Variants in HAUS6 observed in about 807,000 individuals in gnomAD.
The protein encoded by HAUS6 is HAUS augmin like complex subunit 6.
Under a neutral mutation model 106.8 loss-of-function variants are expected in HAUS6, and 80 were observed. The observed-to-expected ratio is 0.75, with a 90% confidence interval of 0.63 to 0.90. The LOEUF (loss-of-function observed/expected upper bound fraction) is 0.90, where lower values mean the gene tolerates loss of function less well. Among genes scored for constraint, HAUS6 ranks in the 40% least tolerant of loss-of-function variants. The pLI is 0.00. For missense variants in HAUS6, 1,155 were observed against 1,118.1 expected, an observed-to-expected ratio of 1.03 and a Z score of -0.47; for synonymous variants, 356 against 379.1, an observed-to-expected ratio of 0.94 and a Z score of 0.71.
chr9:19,066,446 T>G (rs1451631070), intron 12 of HAUS6, among the ~76,000 whole-genome samples: 1 of 152,100 alleles, frequency 6.6e-6, no homozygotes, highest in African/African-American at 2.4e-5. Flanking sequence ...CTAACACAAA[T>G]GACATTTAGC....
chr9:19,092,797 C>T (rs1163122700), intron 4 of HAUS6, among the ~76,000 whole-genome samples: 3 of 148,646 alleles, frequency 2.0e-5, no homozygotes, highest in African/African-American at 7.5e-5. Flanking sequence ...TGGTGGCAGA[C>T]ACCTGTAATC....
At chr9:19,082,669 C>T (rs1196959321) in intron 8 of HAUS6, among the ~76,000 whole-genome samples, 2 of 152,038 alleles carry the variant, frequency 1.3e-5, no homozygotes, top group South Asian at 4.1e-4. Context: ...TCTCTTGAAC[C>T]TGGGAGGCGG....
Position 19,082,983 on chromosome 9 carries a change from C to T in HAUS6, c.760G>A (p.Val254Ile), listed in dbSNP as rs763394214. 4.4e-6 allele frequency: 7 copies of T among 1,585,058 alleles called. No homozygotes were observed. Among genetic ancestry groups the T allele is most frequent in the South Asian group, 1.2e-5 (1 of 86,928 alleles). Residue 254 changes from valine (V) to isoleucine (I), a missense_variant, in exon 8 of 17, where the codon GTT (valine) becomes ATT (isoleucine). Physicochemically the swap from Val to Ile is conservative, Grantham distance 29. Around this residue, in one of 3 missense-constraint regions of HAUS6, gnomAD observed 761 missense variants for 690.0 expected, o/e 1.10. Coordinates refer to ENST00000380502, the MANE Select transcript of HAUS6 (RefSeq NM_017645.5). ...ACAAGACTAAGGACCGAACTAACAA[C>T]TTCTCTCTCTTTTTCCAAAAACATG... The part of the protein sequence containing the change: ...TLMFLEKERE[V>I]VSSVLSLVNQ...
rs137920285 is a variant in HAUS6, at chr9:19,075,840, C to A, written c.1294+762G>T. Among the ~76,000 whole-genome samples, 633 of 151,942 alleles carry A rather than the reference C, an allele frequency of 4.2e-3. 3 individuals carry two copies. The highest frequency in any genetic ancestry group is 0.015 in the African/African-American group (608 of 41,450). ...GGTGTGGTGGCGCATACCTGTGATCCCAGCTCCTCAGGAGGCTGAGGCAAG... is the reference window on the plus strand; with the variant it reads ...GGTGTGGTGGCGCATACCTGTGATCACAGCTCCTCAGGAGGCTGAGGCAAG... On this transcript the variant is annotated intron_variant, in intron 11 of 16. Transcript: ENST00000380502.
chr9:19,057,855 G>A (rs2131094276), intron 16 of HAUS6, 106 bp downstream of exon 16: 2 of 641,070 alleles, frequency 3.1e-6, no homozygotes, highest in Non-Finnish European at 2.7e-6. Context: ...GGAAGGGGGA[G>A]CACATTAACA....
intron 14 of HAUS6, among the ~76,000 whole-genome samples, chr9:19,062,649 G>C (rs1479110720): frequency 6.6e-6 from 1 of 152,038 alleles, no homozygotes; most frequent in African/African-American, 2.4e-5. Flanking sequence ...CAACACCATT[G>C]AGAAAATATT....
intron 1 of HAUS6, among the ~76,000 whole-genome samples, chr9:19,097,974 C>G (rs916746825): frequency 6.6e-6 from 1 of 152,166 alleles, no homozygotes; most frequent in African/African-American, 2.4e-5. Context: ...ACACTTTTGT[C>G]CTTAGAACAT....
At chr9:19,066,453 T>C (rs764417805) in intron 12 of HAUS6, among the ~76,000 whole-genome samples, 55 of 152,160 alleles carry the variant, frequency 3.6e-4, no homozygotes, top group Non-Finnish European at 4.0e-4. Flanking sequence ...AAATGACATT[T>C]AGCTGGCACG....
chr9:19,089,764 T>A (rs1383367666), intron 4 of HAUS6: 4 of 539,590 alleles, frequency 7.4e-6, no homozygotes, highest in Non-Finnish European at 9.8e-6. Context: ...TAAATTAACA[T>A]CACGTAACTA....
At chr9:19,069,192 C>G (rs1312120820) in intron 12 of HAUS6, among the ~76,000 whole-genome samples, 1 of 152,110 alleles carries the variant, frequency 6.6e-6, no homozygotes, top group East Asian at 1.9e-4. Flanking sequence ...CAAAGGCCCC[C>G]AAACACTTGA....
intron 4 of HAUS6, among the ~76,000 whole-genome samples, chr9:19,092,618 GA>G (rs754952207): frequency 6.6e-3 from 363 of 55,016 alleles, no homozygotes; most frequent in South Asian, 0.02. Flanking sequence ...CTCCGTCTCG[GA>G]AAAAAAAAAA....
chr9:19,073,943 T>C (rs560012827), intron 11 of HAUS6: 11 of 152,194 alleles, frequency 7.2e-5, no homozygotes, highest in Admixed American at 7.2e-4. Context: ...AAATAAAAGT[T>C]TAAGTTAAAA....
chr9:19,076,533 C>A, intron 11 of HAUS6, 69 bp downstream of exon 11: 2 of 758,106 alleles, frequency 2.6e-6, no homozygotes, highest in Non-Finnish European at 4.6e-6. Context: ...ATTTAAAGAA[C>A]TATTATTATA....
In HAUS6 at chr9:19,053,935, G is replaced by T. The variant is rs1836414193; in HGVS notation, c.*2408C>A. On this transcript the variant is annotated 3_prime_UTR_variant, in exon 17 of 17. Transcript: ENST00000380502. ...ATGTGTATATTGCTATAACTAGAAA[G>T]ACCACATGCAACCATAAAAAATATA... The T allele has an allele frequency of 6.6e-6, 1 of 152,002 alleles. No individual in the cohort carries two copies. 9.4% of individuals were successfully genotyped at this position (152,002 alleles called of 1,614,324 possible).
chr9:19,096,091 C>A (rs530305858), intron 2 of HAUS6, among the ~76,000 whole-genome samples: 57 of 151,612 alleles, frequency 3.8e-4, no homozygotes, highest in African/African-American at 1.3e-3. Flanking sequence ...TTATTAAGAC[C>A]GTAAATAAAA....
chr9:19,075,120 T>G (rs1315690980), intron 11 of HAUS6, among the ~76,000 whole-genome samples: 1 of 151,914 alleles, frequency 6.6e-6, no homozygotes, highest in African/African-American at 2.4e-5. Context: ...CTATGCTAAG[T>G]GAAAGAAGCC....
intron 4 of HAUS6, 53 bp from the exon 5 acceptor site, chr9:19,089,612 G>C: frequency 7.2e-7 from 1 of 1,385,134 alleles, no homozygotes; most frequent in Non-Finnish European, 1.0e-6. Flanking sequence ...GATAGTAGTG[G>C]GTTATCAGAA....
intron 1 of HAUS6, among the ~76,000 whole-genome samples, chr9:19,098,254 A>G (rs1369148107): frequency 6.6e-6 from 1 of 152,156 alleles, no homozygotes; most frequent in African/African-American, 2.4e-5. Context: ...CCTGGCCAAC[A>G]TGGCGAATCG....
chr9:19,069,506 T>C (rs1021774595), intron 12 of HAUS6, among the ~76,000 whole-genome samples: 2 of 151,858 alleles, frequency 1.3e-5, no homozygotes, highest in South Asian at 2.1e-4. Flanking sequence ...CTGGCCAACA[T>C]GGTGAAACCT....
Sources: gnomAD v4.1 joint callset for allele counts (sites outside exome capture counted in the v4.1 genomes callset) on GRCh38, gnomAD v4.1.1 for gene constraint, gnomAD v4.1.1 regional missense constraint, MANE v1.5 for transcripts, NCBI Gene and HGNC (gene_info 2026-07-23, HGNC 2026-07-21) for gene names.